Variants in CENPW observed in about 807,000 individuals in gnomAD.
CENPW encodes cancer-up-regulated gene 2 protein.
Under a neutral mutation model 11.1 loss-of-function variants are expected in CENPW, and 3 were observed. The observed-to-expected ratio is 0.27, with a 90% CI of 0.12 to 0.70. The LOEUF (loss-of-function observed/expected upper bound fraction) is 0.70. CENPW is among the 30% of genes least tolerant of loss of function. The probability of loss-of-function intolerance (pLI) is 0.77; values close to 1 mark genes in which losing one functional copy is unlikely to be tolerated. For synonymous variants in CENPW, 38 were observed against 42.0 expected, an observed-to-expected ratio of 0.91 and a Z score of 0.37; for missense variants, 100 against 105.6, an observed-to-expected ratio of 0.95 and a Z score of 0.23.
the CENPW span, among the ~76,000 whole-genome samples, chr6:126,439,436 G>A: frequency 6.6e-6 from 1 of 151,644 alleles, no homozygotes; most frequent in African/African-American, 2.4e-5. Context: ...CCTAGAGCAA[G>A]AAGGAAGCCT....
the CENPW span, among the ~76,000 whole-genome samples, chr6:126,432,182 G>A: frequency 1.1e-4 from 16 of 151,370 alleles, no homozygotes; most frequent in East Asian, 1.9e-3. Flanking sequence ...ATTATGCTGC[G>A]TGGCATTCAT....
the CENPW span, among the ~76,000 whole-genome samples, chr6:126,474,594 T>C: frequency 6.6e-6 from 1 of 152,178 alleles, no homozygotes; most frequent in Non-Finnish European, 1.5e-5. Context: ...CTCTCCTAGG[T>C]TCTGCTTCTG....
the CENPW span, among the ~76,000 whole-genome samples, chr6:126,393,402 T>C: frequency 6.6e-6 from 1 of 151,756 alleles, no homozygotes; most frequent in Non-Finnish European, 1.5e-5. Context: ...TTCTTCTTTT[T>C]TGATGTAGGC....
At chr6:126,406,718 G>C in the CENPW span, among the ~76,000 whole-genome samples, 2 of 152,044 alleles carry the variant, frequency 1.3e-5, no homozygotes, top group African/African-American at 4.8e-5. Flanking sequence ...CAGGTGTGGT[G>C]GTGGGCACCT....
chr6:126,408,888 C>T, the CENPW span, among the ~76,000 whole-genome samples: 1 of 151,852 alleles, frequency 6.6e-6, no homozygotes, highest in Non-Finnish European at 1.5e-5. Flanking sequence ...TAAAGACTGT[C>T]AATGTCGTTT....
chr6:126,366,059 G>C, the CENPW span, among the ~76,000 whole-genome samples: 1 of 152,140 alleles, frequency 6.6e-6, no homozygotes, highest in South Asian at 2.1e-4. Context: ...CTTTGAAATT[G>C]TGAAACATAA....
chr6:126,368,486 G>A, the CENPW span, among the ~76,000 whole-genome samples: 5 of 151,586 alleles, frequency 3.3e-5, 1 homozygote, highest in East Asian at 3.9e-4. Flanking sequence ...GTATTGGATT[G>A]GAGTACTTTT....
the CENPW span, among the ~76,000 whole-genome samples, chr6:126,457,485 A>C: frequency 6.6e-6 from 1 of 151,252 alleles, no homozygotes; most frequent in Admixed American, 6.6e-5. Context: ...CTGTATGTTC[A>C]CATTTATGAA....
the CENPW span, among the ~76,000 whole-genome samples, chr6:126,475,390 AATAG>A: frequency 6.6e-6 from 1 of 152,038 alleles, no homozygotes; most frequent in East Asian, 1.9e-4. Context: ...GTGCCCCATA[AATAG>A]ATACAAATTT....
At chr6:126,473,050 A>G in the CENPW span, among the ~76,000 whole-genome samples, 1 of 152,194 alleles carries the variant, frequency 6.6e-6, no homozygotes, top group Non-Finnish European at 1.5e-5. Context: ...AGCATTATGC[A>G]TTAGAGATTT....
chr6:126,365,480 A>T, the CENPW span, among the ~76,000 whole-genome samples: 1 of 152,054 alleles, frequency 6.6e-6, no homozygotes, highest in East Asian at 1.9e-4. Context: ...GAGAAGGGGG[A>T]GACACTACAC....
At chr6:126,386,001 A>G in the CENPW span, among the ~76,000 whole-genome samples, 90 of 152,244 alleles carry the variant, frequency 5.9e-4, no homozygotes, top group African/African-American at 2.1e-3. Flanking sequence ...GGTAATGCCT[A>G]AAATTCATAA....
chr6:126,351,468 G>T (rs951040335), downstream of CENPW, among the ~76,000 whole-genome samples: 4 of 152,102 alleles, frequency 2.6e-5, no homozygotes, highest in East Asian at 3.9e-4. Flanking sequence ...GTCGTCTGGG[G>T]TGTTTATATG....
intron 2 of CENPW, 105 bp from the exon 3 acceptor site, chr6:126,348,361 T>G (rs1780448212): frequency 1.6e-6 from 1 of 632,994 alleles, no homozygotes; most frequent in Admixed American, 3.0e-5. Flanking sequence ...TTTTATAAAT[T>G]CAGTCTTGCA....
chr6:126,389,768 C>T, the CENPW span, among the ~76,000 whole-genome samples: 1 of 151,638 alleles, frequency 6.6e-6, no homozygotes, highest in Non-Finnish European at 1.5e-5. Context: ...TTATCTAATT[C>T]AGTGTACATA....
chr6:126,351,132 GAGAA>G (rs1281699952), downstream of CENPW, among the ~76,000 whole-genome samples: 7 of 131,318 alleles, frequency 5.3e-5, no homozygotes, highest in African/African-American at 1.5e-4. Flanking sequence ...CAAGGTGGAG[GAGAA>G]AGAGAGAGAG....
chr6:126,388,072 A>G, the CENPW span, among the ~76,000 whole-genome samples: 1 of 152,120 alleles, frequency 6.6e-6, no homozygotes, highest in East Asian at 1.9e-4. Flanking sequence ...AGACCAAGCC[A>G]AAAAGAAAGA....
intron 1 of CENPW, among the ~76,000 whole-genome samples, chr6:126,345,767 A>G (rs1780396878): frequency 6.6e-6 from 1 of 152,190 alleles, no homozygotes; most frequent in Non-Finnish European, 1.5e-5. Flanking sequence ...CAAATTAAAT[A>G]TATCTGTTTA....
chr6:126,481,095 CTAAT>C, the CENPW span, among the ~76,000 whole-genome samples: 1 of 151,914 alleles, frequency 6.6e-6, no homozygotes, highest in African/African-American at 2.4e-5. Flanking sequence ...TAAATTATAA[CTAAT>C]TTATTTCATC....
Sources: gnomAD v4.1 joint callset for allele counts (sites outside exome capture counted in the v4.1 genomes callset) on GRCh38, gnomAD v4.1.1 for gene constraint, MANE v1.5 for transcripts, NCBI Gene and HGNC (gene_info 2026-07-23, HGNC 2026-07-21) for gene names.